CCDC33: variants seen among roughly 807,000 people sequenced by gnomAD.
CCDC33 encodes coiled-coil domain containing 33.
In CCDC33, 94 loss-of-function variants were observed where a neutral mutation model predicts 91.9. The observed-to-expected ratio is 1.02, with a 90% confidence interval of 0.87 to 1.21. CCDC33 has a LOEUF of 1.21. Among genes scored for constraint, CCDC33 ranks in the 50% most tolerant of loss-of-function variants. The pLI is 0.00. For synonymous variants in CCDC33, 396 were observed against 374.5 expected (o/e 1.06, Z -0.66); for missense variants, 940 against 935.5 (o/e 1.00, Z -0.06).
Position 74,317,449 on chromosome 15 carries a change from C to T in CCDC33, c.1291-12740C>T, listed in dbSNP as rs146710109. Among the ~76,000 whole-genome samples the T allele has an allele frequency of 6.9e-3, 1,049 of 152,280 alleles. 8 individuals are homozygous for T. The highest frequency in any genetic ancestry group is 0.023 in the African/African-American group (974 of 41,538). On this transcript the variant is annotated intron_variant, in intron 11 of 18. Coordinates refer to ENST00000398814, the MANE Select transcript of CCDC33 (RefSeq NM_025055.5). ...GAAAAGGAAGCGCCCTCCACAACACCGGCAGAAGCCAGAGGCCCCCCAACC... is the reference window on the plus strand; with the variant it reads ...GAAAAGGAAGCGCCCTCCACAACACTGGCAGAAGCCAGAGGCCCCCCAACC...
At chr15:74,268,237 G>A (rs1009062144) in intron 4 of CCDC33, 105 bp from the exon 5 acceptor site, 15 of 793,840 alleles carry the variant, frequency 1.9e-5, no homozygotes, top group Non-Finnish European at 2.2e-5. Context: ...GAGCCCCAGC[G>A]GAGCAATGCC....
chr15:74,281,648 C>T (rs1013608662), intron 9 of CCDC33, 130 bp from the exon 10 acceptor site: 5 of 795,830 alleles, frequency 6.3e-6, no homozygotes, highest in African/African-American at 5.1e-5. Flanking sequence ...AGGCCAGCTC[C>T]CACCTCCCTC....
At chr15:74,307,684 C>T (rs182051153) in intron 11 of CCDC33, among the ~76,000 whole-genome samples, 1 of 151,892 alleles carries the variant, frequency 6.6e-6, no homozygotes, top group Non-Finnish European at 1.5e-5. Flanking sequence ...CCGAGTTCCA[C>T]CTGGAACATT....
chr15:74,295,865 G>T lies in CCDC33; in HGVS notation c.1207G>T (p.Val403Leu). Residue 403 changes from valine (V) to leucine (L), a missense_variant, in exon 11 of 19, where the codon GTG (valine) becomes TTG (leucine). Transcript: ENST00000398814. Reference sequence around the variant, plus strand: ...CCAAGAGTCCTGGTCCAAGGACACAGTGAGCTCCACAATGGACTTGAGCAC... The same window carrying T: ...CCAAGAGTCCTGGTCCAAGGACACATTGAGCTCCACAATGGACTTGAGCAC... ...TIQESWSKDT[V>L]SSTMDLSTST... 6.2e-7 allele frequency: 1 copy of T among 1,614,212 alleles called. No homozygotes were observed. Among genetic ancestry groups the T allele is most frequent in the Non-Finnish European group, 8.5e-7 (1 of 1,180,038 alleles).
intron 2 of CCDC33, among the ~76,000 whole-genome samples, chr15:74,259,377 A>T (rs984770483): frequency 6.6e-6 from 1 of 151,902 alleles, no homozygotes; most frequent in Non-Finnish European, 1.5e-5. Flanking sequence ...GCAGGGAGTG[A>T]GCTCATCCCC....
At chr15:74,302,641 G>A (rs962335426) in intron 11 of CCDC33, 1 of 152,258 alleles carries the variant, frequency 6.6e-6, no homozygotes, top group African/African-American at 2.4e-5. Context: ...CAGGACTGAC[G>A]GGTTTCCAGA....
intron 2 of CCDC33, among the ~76,000 whole-genome samples, chr15:74,224,283 A>T (rs941345167): frequency 6.6e-6 from 1 of 152,188 alleles, no homozygotes; most frequent in Non-Finnish European, 1.5e-5. Context: ...CCCTGCAGGC[A>T]GCCTGCTGGC....
intron 2 of CCDC33, among the ~76,000 whole-genome samples, chr15:74,224,184 G>A (rs1390722034): frequency 6.6e-6 from 1 of 152,046 alleles, no homozygotes; most frequent in Non-Finnish European, 1.5e-5. Flanking sequence ...TGGGGAGGCT[G>A]GGGTGGGGGG....
chr15:74,227,127 A>G (rs1027182392), intron 2 of CCDC33, among the ~76,000 whole-genome samples: 1 of 152,214 alleles, frequency 6.6e-6, no homozygotes, highest in African/African-American at 2.4e-5. Context: ...GGAGGTAGGC[A>G]GGGTAACCTT....
In CCDC33 at chr15:74,280,818, G is replaced by A; in HGVS notation, c.1023+17G>A. 1 of 1,472,742 alleles carries A rather than the reference G, an allele frequency of 6.8e-7. No homozygotes were observed. Among genetic ancestry groups the A allele is most frequent in the Non-Finnish European group, 9.0e-7 (1 of 1,108,226 alleles). The allele number at this position is 1,472,742 out of a possible 1,614,324, so 91.2% of individuals were successfully genotyped here. On this transcript the variant is annotated intron_variant, in intron 9 of 18. Coordinates refer to ENST00000398814, the MANE Select transcript of CCDC33 (RefSeq NM_025055.5). Reference sequence around the variant, plus strand: ...CCCATCATGGTGAGCCCCCTGCCCTGAACTGGGCCCCTAGCGTGCCCACCT... The same window carrying A: ...CCCATCATGGTGAGCCCCCTGCCCTAAACTGGGCCCCTAGCGTGCCCACCT...
At chr15:74,229,767 C>T (rs1302191338) in intron 2 of CCDC33, among the ~76,000 whole-genome samples, 1 of 152,170 alleles carries the variant, frequency 6.6e-6, no homozygotes, top group East Asian at 1.9e-4. Flanking sequence ...AAATGTCATC[C>T]CTCACTCATA....
intron 1 of CCDC33, among the ~76,000 whole-genome samples, chr15:74,205,566 A>C (rs999348881): frequency 1.3e-5 from 2 of 152,198 alleles, no homozygotes; most frequent in Non-Finnish European, 2.9e-5. Context: ...ACCACACACC[A>C]GGCCTCACTT....
chr15:74,274,521 G>C (rs572229841), intron 7 of CCDC33, among the ~76,000 whole-genome samples: 6 of 152,310 alleles, frequency 3.9e-5, no homozygotes, highest in African/African-American at 1.4e-4. Flanking sequence ...TTTGAAGAAG[G>C]CTCAGACATG....
At chr15:74,256,077 A>T (rs2075852123) in intron 2 of CCDC33, among the ~76,000 whole-genome samples, 1 of 152,290 alleles carries the variant, frequency 6.6e-6, no homozygotes, top group Admixed American at 6.5e-5. Context: ...CCTGCCCTTG[A>T]GGGGTGAACA....
At chr15:74,209,835 G>A (rs1023337724) in intron 2 of CCDC33, 1 of 176,114 alleles carries the variant, frequency 5.7e-6, no homozygotes, top group Non-Finnish European at 1.2e-5. Context: ...CAGGGAGAGA[G>A]TAGATAAAGG....
At chr15:74,247,098 T>C (rs2075554656) in intron 2 of CCDC33, among the ~76,000 whole-genome samples, 1 of 151,404 alleles carries the variant, frequency 6.6e-6, no homozygotes, top group Non-Finnish European at 1.5e-5. Context: ...TGAGCCAAGA[T>C]TGCGCCACTG....
chr15:74,265,695 G>A (rs1158037868), intron 3 of CCDC33, among the ~76,000 whole-genome samples: 4 of 152,206 alleles, frequency 2.6e-5, no homozygotes, highest in Non-Finnish European at 5.9e-5. Flanking sequence ...AAACAGGACT[G>A]TCATGATTAT....
chr15:74,248,309 T>C (rs1489169860), intron 2 of CCDC33, among the ~76,000 whole-genome samples: 1 of 142,714 alleles, frequency 7.0e-6, no homozygotes, highest in East Asian at 1.9e-4. Context: ...CGAAAATATG[T>C]ATATATATTA....
chr15:74,320,831 G>A (rs975168613), intron 11 of CCDC33, among the ~76,000 whole-genome samples: 13 of 152,248 alleles, frequency 8.5e-5, no homozygotes, highest in African/African-American at 2.9e-4. Context: ...GTCCTCCCTC[G>A]CCTGCCCTCT....
Sources: gnomAD v4.1 joint callset for allele counts (sites outside exome capture counted in the v4.1 genomes callset) on GRCh38, gnomAD v4.1.1 for gene constraint, MANE v1.5 for transcripts, NCBI Gene and HGNC (gene_info 2026-07-23, HGNC 2026-07-21) for gene names.